Variants in LTBP1 observed in about 807,000 individuals in gnomAD.
LTBP1 encodes the protein latent transforming growth factor beta binding protein 1.
A neutral mutation model predicts 207.6 loss-of-function variants in LTBP1; 129 were observed. That is an observed-to-expected ratio of 0.62 (90% CI 0.54 to 0.72). The LOEUF (loss-of-function observed/expected upper bound fraction) is 0.72. Ranked by LOEUF, LTBP1 falls within the 30% of genes least tolerant of loss-of-function variation. LTBP1 has a pLI of 0.00. For synonymous variants in LTBP1, 963 were observed against 833.7 expected (o/e 1.16, Z -2.67); for missense variants, 2,281 against 2,217.2 (o/e 1.03, Z -0.58).
chr2:33,053,315 T>C lies in LTBP1; in HGVS notation c.863+32109T>C, dbSNP rs150357091. On this transcript the variant is annotated intron_variant, in intron 3 of 33. Coordinates refer to ENST00000404816, the MANE Select transcript of LTBP1 (RefSeq NM_206943.4). ...CTCCCATTGTCAACATCTACCAGAG[T>C]GGTACATTTGCTACAAATGATGAAC... is the stretch of plus-strand genomic sequence containing the variant. Among the ~76,000 whole-genome samples the C allele has an allele frequency of 1.6e-3, 240 of 152,238 alleles. 3 individuals carry two copies. Among genetic ancestry groups the C allele is most frequent in the East Asian group, 0.011 (55 of 5,170 alleles).
intron 5 of LTBP1, among the ~76,000 whole-genome samples, chr2:33,137,375 G>C (rs1240991470): frequency 6.6e-6 from 1 of 152,118 alleles, no homozygotes; most frequent in East Asian, 1.9e-4. Context: ...TCTAATATTT[G>C]TTGGTACTTA....
At chr2:33,245,036 G>A (rs768813684) in intron 10 of LTBP1, among the ~76,000 whole-genome samples, 3 of 151,972 alleles carry the variant, frequency 2.0e-5, no homozygotes. Flanking sequence ...GTGCTACCAC[G>A]CCCAGCTAAT....
At chr2:32,985,383 T>C (rs1439309572) in intron 2 of LTBP1, among the ~76,000 whole-genome samples, 1 of 152,156 alleles carries the variant, frequency 6.6e-6, no homozygotes, top group Non-Finnish European at 1.5e-5. Context: ...ATTTTATCGA[T>C]GAGGAAACTG....
At chr2:33,308,736 A>G (rs13034772) in intron 22 of LTBP1, among the ~76,000 whole-genome samples, 33,667 of 152,154 alleles carry the variant, frequency 0.22, 4,490 homozygotes, top group Non-Finnish European at 0.3. Flanking sequence ...TTAATAATAC[A>G]ATATAGTTTG....
chr2:33,137,767 C>T (rs895577065), intron 5 of LTBP1, among the ~76,000 whole-genome samples: 53 of 152,068 alleles, frequency 3.5e-4, no homozygotes, highest in African/African-American at 1.1e-3. Flanking sequence ...TTTTTCAATA[C>T]GGAAACTTAG....
intron 24 of LTBP1, among the ~76,000 whole-genome samples, chr2:33,338,906 G>C (rs943602843): frequency 6.6e-6 from 1 of 152,332 alleles, no homozygotes; most frequent in South Asian, 2.1e-4. Context: ...AGATGAGGAA[G>C]GGTGCTCCAT....
intron 5 of LTBP1, among the ~76,000 whole-genome samples, chr2:33,186,553 C>T (rs2087222110): frequency 6.6e-6 from 1 of 152,128 alleles, no homozygotes; most frequent in South Asian, 2.1e-4. Flanking sequence ...TGGTGGTAGA[C>T]AATCATCTTG....
At chr2:33,395,233 G>T (rs984638492) in intron 32 of LTBP1, among the ~76,000 whole-genome samples, 6 of 152,146 alleles carry the variant, frequency 3.9e-5, no homozygotes, top group Non-Finnish European at 8.8e-5. Flanking sequence ...AAAATCAAGT[G>T]ACTTGGCCAG....
intron 5 of LTBP1, among the ~76,000 whole-genome samples, chr2:33,152,006 A>C (rs997775895): frequency 6.6e-6 from 1 of 152,164 alleles, no homozygotes; most frequent in Non-Finnish European, 1.5e-5. Flanking sequence ...ACATGGGCTT[A>C]GGCAAGAATT....
chr2:33,076,309 C>T (rs2078076762), intron 3 of LTBP1, among the ~76,000 whole-genome samples: 1 of 152,020 alleles, frequency 6.6e-6, no homozygotes, highest in Admixed American at 6.6e-5. Flanking sequence ...TTAGTTAGAT[C>T]TACATTTTAT....
At position 33,324,425 on chromosome 2, in the gene LTBP1, G is replaced by GTA. The variant is rs955713198; in HGVS notation, c.3730+9166_3730+9167dup. 2.2e-3 allele frequency among the ~76,000 whole-genome samples: 336 copies of GTA among 151,698 alleles called. 1 individual carries two copies. The highest frequency in any genetic ancestry group is 4.5e-3 in the African/African-American group (188 of 41,378). On this transcript the variant is annotated intron_variant, in intron 24 of 33. Transcript: ENST00000404816. ...ATGTATATATATGGAAAAAAACACA[G>GTA]TATATATATATGGTTCAGTACTATT...
At chr2:33,123,997 T>A (rs1572740092) in intron 4 of LTBP1, among the ~76,000 whole-genome samples, 1 of 152,380 alleles carries the variant, frequency 6.6e-6, no homozygotes, top group East Asian at 1.9e-4. Flanking sequence ...AAGATTTGAC[T>A]ATATTTTAGA....
intron 2 of LTBP1, among the ~76,000 whole-genome samples, chr2:32,973,837 A>G (rs371650382): frequency 1.3e-3 from 195 of 152,316 alleles, no homozygotes; most frequent in African/African-American, 4.5e-3. Flanking sequence ...ATAACTGAGA[A>G]CATGTGATAT....
intron 4 of LTBP1, among the ~76,000 whole-genome samples, chr2:33,126,842 G>A (rs1425718654): frequency 6.6e-6 from 1 of 152,040 alleles, no homozygotes; most frequent in Non-Finnish European, 1.5e-5. Context: ...AAAAAATGAA[G>A]TAAATGACAG....
intron 15 of LTBP1, among the ~76,000 whole-genome samples, chr2:33,269,292 G>A (rs1052971394): frequency 1.3e-5 from 2 of 152,162 alleles, no homozygotes; most frequent in Non-Finnish European, 2.9e-5. Flanking sequence ...TAGAGTATTT[G>A]GTTTTCCATC....
Position 33,310,777 on chromosome 2 carries a change from A to G in LTBP1, c.3604+1221A>G, listed in dbSNP as rs552277519. Among the ~76,000 whole-genome samples the G allele has an allele frequency of 6.6e-5, 10 of 152,286 alleles. No individual in the cohort carries two copies. In the East Asian group the frequency reaches 1.9e-3, roughly 29 times the overall value. ...AATTCTCTAGGTTCTGTATCCCAAC[A>G]TTTTTAGCTATACCTGACTTGCCCC... On this transcript the variant is annotated intron_variant, in intron 23 of 33. Transcript: ENST00000404816.
intron 7 of LTBP1, among the ~76,000 whole-genome samples, chr2:33,195,312 G>A (rs2088421713): frequency 6.6e-6 from 1 of 152,132 alleles, no homozygotes; most frequent in South Asian, 2.1e-4. Context: ...AAAGCTTTCT[G>A]GAAAGAGTTT....
intron 5 of LTBP1, among the ~76,000 whole-genome samples, chr2:33,169,604 A>G (rs529020440): frequency 5.9e-5 from 9 of 152,362 alleles, no homozygotes; most frequent in Admixed American, 1.3e-4. Context: ...AATTGAAACC[A>G]TAGAACATAT....
chr2:33,303,156 T>C (rs2094020297), intron 22 of LTBP1, among the ~76,000 whole-genome samples: 1 of 152,020 alleles, frequency 6.6e-6, no homozygotes, highest in Non-Finnish European at 1.5e-5. Context: ...TTGGTGGTGT[T>C]GGAGGGAGAC....
Sources: gnomAD v4.1 joint callset for allele counts (sites outside exome capture counted in the v4.1 genomes callset) on GRCh38, gnomAD v4.1.1 for gene constraint, MANE v1.5 for transcripts, NCBI Gene and HGNC (gene_info 2026-07-23, HGNC 2026-07-21) for gene names.